Variants in GLYATL1 observed in about 807,000 individuals in gnomAD.
GLYATL1 encodes the protein glycine N-acyltransferase-like protein 1.
In GLYATL1, 15 loss-of-function variants were observed where a neutral mutation model predicts 20.0. The observed-to-expected ratio is 0.75, with a 90% CI of 0.50 to 1.15. The LOEUF is 1.15. GLYATL1 is among the 50% of genes most tolerant of loss of function. GLYATL1 has a pLI of 0.00. For missense variants in GLYATL1, 380 were observed against 368.5 expected, an observed-to-expected ratio of 1.03 and a Z score of -0.26; for synonymous variants, 151 against 131.5, an observed-to-expected ratio of 1.15 and a Z score of -1.01.
upstream of GLYATL1, among the ~76,000 whole-genome samples, chr11:58,925,173 T>A (rs1855399099): frequency 2.0e-5 from 3 of 152,168 alleles, no homozygotes; most frequent in South Asian, 6.2e-4. Flanking sequence ...TGCTAAGAGA[T>A]CTTTATAATC....
At chr11:58,929,928 T>C (rs1460949081) in intron 1 of GLYATL1, among the ~76,000 whole-genome samples, 1 of 152,248 alleles carries the variant, frequency 6.6e-6, no homozygotes, top group Non-Finnish European at 1.5e-5. Context: ...TCTTAGAGTC[T>C]GGATCATTTC....
At chr11:58,955,501 T>A in intron 6 of GLYATL1, 109 bp from the exon 7 acceptor site, 1 of 1,394,746 alleles carries the variant, frequency 7.2e-7, no homozygotes, top group Non-Finnish European at 9.8e-7. Context: ...AACTTTGCAA[T>A]GGTGAGTCTT....
At chr11:58,922,855 G>T (rs1855340820), upstream of GLYATL1, among the ~76,000 whole-genome samples, 2 of 152,160 alleles carry the variant, frequency 1.3e-5, no homozygotes, top group Non-Finnish European at 2.9e-5. Flanking sequence ...TGGATGCCCT[G>T]ACTGTCCTCC....
intron 1 of GLYATL1, among the ~76,000 whole-genome samples, chr11:58,919,302 G>A (rs1040435094): frequency 7.2e-5 from 11 of 152,164 alleles, no homozygotes; most frequent in Admixed American, 2.6e-4. Flanking sequence ...TTTGTTTGGC[G>A]TGGGCACACC....
rs79363612 is a variant in GLYATL1, at chr11:58,907,440, T to G, written n.438T>G. The G allele has an allele frequency of 5.6e-3, 2,515 of 452,026 alleles. 19 individuals carry two copies. Among genetic ancestry groups the G allele is most frequent in the Non-Finnish European group, 7.1e-3 (1,601 of 224,556 alleles). The allele number at this position is 452,026 out of a possible 1,614,324, so 28.0% of individuals were successfully genotyped here. On this transcript the variant is annotated non_coding_transcript_exon_variant, in exon 2 of 2. Transcript: ENST00000524629. ...CATCTTTAATTGCATGATGTCTAGT[T>G]CCTTGCAAACCATTATTTCATGTAT...
chr11:58,937,901 C>G (rs115672987), upstream of GLYATL1, among the ~76,000 whole-genome samples: 543 of 152,268 alleles, frequency 3.6e-3, 1 homozygote, highest in African/African-American at 0.013. Context: ...GGGTGGGGCT[C>G]CATCAACCTC....
In GLYATL1 at chr11:58,950,415, C is replaced by T. The variant is rs1376070631; in HGVS notation, c.186+2450C>T. The stretch of plus-strand genomic sequence containing the variant: ...TGAATCAATACAGCACTAAAGTATT[C>T]GTTTTAATAACTGCGGCATTTCATA... On this transcript the variant is annotated intron_variant, in intron 4 of 6. Transcript: ENST00000532726. Among the ~76,000 whole-genome samples, 4 of 152,098 alleles carry T rather than the reference C, an allele frequency of 2.6e-5. No homozygotes were observed. The South Asian group carries it at 6.2e-4, about 24-fold the overall frequency.
intron 1 of GLYATL1, among the ~76,000 whole-genome samples, chr11:58,906,062 G>A (rs1429708972): frequency 6.6e-6 from 1 of 152,196 alleles, no homozygotes; most frequent in Admixed American, 6.5e-5. Flanking sequence ...TGCGAATCGG[G>A]AGCAGCGGGC....
chr11:58,946,815 G>A, intron 2 of GLYATL1: 2 of 577,004 alleles, frequency 3.5e-6, no homozygotes, highest in South Asian at 4.1e-5. Context: ...CCACAAGGGA[G>A]GAAGGGCATG....
chr11:58,911,023 C>T (rs913273078), downstream of GLYATL1, among the ~76,000 whole-genome samples: 9 of 152,188 alleles, frequency 5.9e-5, no homozygotes, highest in African/African-American at 1.9e-4. Flanking sequence ...CTAATCTCTT[C>T]GTTACTCTAG....
At chr11:58,924,164 G>A (rs970558362), upstream of GLYATL1, among the ~76,000 whole-genome samples, 2 of 152,176 alleles carry the variant, frequency 1.3e-5, no homozygotes, top group African/African-American at 4.8e-5. Context: ...CATTTATTTT[G>A]TATAGAATTA....
upstream of GLYATL1, among the ~76,000 whole-genome samples, chr11:58,925,683 A>T (rs1031767609): frequency 1.6e-4 from 24 of 152,168 alleles, no homozygotes; most frequent in African/African-American, 5.3e-4. Context: ...TTTTCCATAA[A>T]ACTGCTGGTT....
At position 58,943,660 on chromosome 11, in the gene GLYATL1, A is replaced by G. The variant is rs1362626698; in HGVS notation, c.-49A>G. 6.2e-7 allele frequency: 1 copy of G among 1,613,074 alleles called. No individual in the cohort carries two copies. Among genetic ancestry groups the G allele is most frequent in the Admixed American group, 1.7e-5 (1 of 59,920 alleles). ...CATTGATCTCTCAGAGTGGCTGAGG[A>G]TAATAGGTAAGCTCCCTCTCGCATT... On this transcript the variant is annotated 5_prime_UTR_variant, in exon 2 of 7. Transcript: ENST00000532726.
chr11:58,935,978 A>G (rs182437331), upstream of GLYATL1, among the ~76,000 whole-genome samples: 861 of 152,326 alleles, frequency 5.7e-3, 5 homozygotes, highest in Middle Eastern at 0.01. Context: ...GAGGAAAAAT[A>G]CTTTTGGCCT....
chr11:58,941,790 A>G (rs1402304663), intron 1 of GLYATL1, among the ~76,000 whole-genome samples: 1 of 152,218 alleles, frequency 6.6e-6, no homozygotes, highest in Non-Finnish European at 1.5e-5. Context: ...ACTGGAGTCT[A>G]ACTTAGAGAA....
At chr11:58,947,785 T>G in intron 3 of GLYATL1, 73 bp from the exon 4 acceptor site, 2 of 1,009,990 alleles carry the variant, frequency 2.0e-6, no homozygotes, top group East Asian at 4.8e-5. Flanking sequence ...TCCATTTTTC[T>G]CTTCCTCTTC....
intron 1 of GLYATL1, among the ~76,000 whole-genome samples, chr11:58,919,741 G>C (rs917413160): frequency 1.3e-5 from 2 of 152,166 alleles, no homozygotes; most frequent in African/African-American, 4.8e-5. Context: ...TTGAATTCCC[G>C]GGGTTCGGGT....
At position 58,955,198 on chromosome 11, in the gene GLYATL1, G is replaced by A. The variant is rs140802755; in HGVS notation, c.336G>A (p.Glu112=). 3.9e-5 allele frequency: 63 copies of A among 1,613,316 alleles called. No homozygotes were observed. Among genetic ancestry groups the A allele is most frequent in the African/African-American group, 2.9e-4 (22 of 74,896 alleles). Reference sequence around the variant, plus strand: ...CAGGTCTTCAAGAAAGTTTAGGTGAGGGGATAAGAGTGGCTACATTTTCAA... The same window carrying A: ...CAGGTCTTCAAGAAAGTTTAGGTGAAGGGATAAGAGTGGCTACATTTTCAA... ...QIQGLQESLG[E]GIRVATFSKS... The change falls in exon 6 of 7, where the codon GAG becomes GAA. Residue 112 remains glutamate (E), a synonymous_variant. Transcript: ENST00000532726.
upstream of GLYATL1, among the ~76,000 whole-genome samples, chr11:58,926,052 A>G (rs1308181464): frequency 1.3e-5 from 2 of 152,198 alleles, no homozygotes; most frequent in Non-Finnish European, 2.9e-5. Flanking sequence ...AATGAGTGTT[A>G]TTATCAATGG....
Sources: allele counts gnomAD v4.1 joint callset (sites outside exome capture counted in the v4.1 genomes callset), GRCh38; gene constraint gnomAD v4.1.1; transcripts MANE v1.5; gene names NCBI Gene and HGNC (gene_info 2026-07-23, HGNC 2026-07-21).